ATP6V1C2: variants seen among roughly 807,000 people sequenced by gnomAD.
ATP6V1C2 encodes the protein ATPase H+ transporting V1 subunit C2.
In ATP6V1C2, 45 loss-of-function variants were observed where a neutral mutation model predicts 56.8. The ratio of observed to expected loss-of-function variants is 0.79; its 90% CI spans 0.62 to 1.02. The LOEUF (loss-of-function observed/expected upper bound fraction) is 1.02, where lower values mean the gene tolerates loss of function less well. Among genes scored for constraint, ATP6V1C2 ranks in the 50% least tolerant of loss-of-function variants. The pLI, the probability that ATP6V1C2 is intolerant of heterozygous loss-of-function variation, is 0.00. For synonymous variants in ATP6V1C2, 220 were observed against 201.3 expected (o/e 1.09, Z -0.79); for missense variants, 463 against 519.7 (o/e 0.89, Z 1.06).
chr2:10,778,689 C>G lies in ATP6V1C2; in HGVS notation c.1061+20C>G. Reference sequence around the variant, plus strand: ...GCTCAGGTGCGTGGCAGTGATGCCCCGGCTGGGACTGTCCTGAGGATGGGC... The same window carrying G: ...GCTCAGGTGCGTGGCAGTGATGCCCGGGCTGGGACTGTCCTGAGGATGGGC... On this transcript the variant is annotated intron_variant, in intron 12 of 13. Coordinates refer to ENST00000272238, the MANE Select transcript of ATP6V1C2 (RefSeq NM_001039362.2). 6.2e-7 allele frequency: 1 copy of G among 1,612,100 alleles called. No individual in the cohort carries two copies. Among genetic ancestry groups the G allele is most frequent in the Non-Finnish European group, 8.5e-7 (1 of 1,178,194 alleles).
chr2:10,721,948 C>T (rs989676096), intron 1 of ATP6V1C2, among the ~76,000 whole-genome samples: 12 of 152,204 alleles, frequency 7.9e-5, no homozygotes, highest in African/African-American at 2.9e-4. Context: ...AAAGGAGCTG[C>T]GTTGGGTCTG....
intron 3 of ATP6V1C2, among the ~76,000 whole-genome samples, chr2:10,750,697 GAGTC>G (rs1663160582): frequency 6.6e-6 from 1 of 152,194 alleles, no homozygotes. Context: ...CAGCTGCTGT[GAGTC>G]AGGCACTGTG....
intron 5 of ATP6V1C2, 35 bp downstream of exon 5, chr2:10,764,460 T>C: frequency 6.3e-7 from 1 of 1,588,028 alleles, no homozygotes; most frequent in Non-Finnish European, 8.6e-7. Context: ...AACAGCTGAC[T>C]GGTGGGTCAG....
intron 2 of ATP6V1C2, among the ~76,000 whole-genome samples, chr2:10,724,629 G>A (rs1049839643): frequency 4.6e-5 from 7 of 151,502 alleles, no homozygotes; most frequent in Non-Finnish European, 1.0e-4. Context: ...GAGAAGAAGC[G>A]ACTTGTCTTG....
At chr2:10,753,116 T>C (rs1663315382) in intron 3 of ATP6V1C2, among the ~76,000 whole-genome samples, 1 of 152,232 alleles carries the variant, frequency 6.6e-6, no homozygotes, top group Admixed American at 6.5e-5. Context: ...AAGCCTTCAG[T>C]GTGTTTTTCA....
intron 3 of ATP6V1C2, among the ~76,000 whole-genome samples, chr2:10,738,591 G>A (rs910999801): frequency 6.6e-6 from 1 of 152,154 alleles, no homozygotes; most frequent in African/African-American, 2.4e-5. Flanking sequence ...ACTTAACACC[G>A]TGTTGGTGCT....
chr2:10,784,134 G>A lies in ATP6V1C2; in HGVS notation c.*871G>A, dbSNP rs781657625. ...GCAGTGTTTTCAAATGACCAATCAA[G>A]TACTACTTCTTGGTTAAAAGGCCAC... On this transcript the variant is annotated 3_prime_UTR_variant, in exon 14 of 14. Coordinates refer to ENST00000272238, the MANE Select transcript of ATP6V1C2 (RefSeq NM_001039362.2). The A allele has an allele frequency of 1.0e-4, 59 of 582,218 alleles. No homozygotes were observed. The highest frequency in any genetic ancestry group is 1.6e-4 in the Non-Finnish European group (54 of 337,406). 36.1% of individuals were successfully genotyped at this position (582,218 alleles called of 1,614,324 possible).
Position 10,726,442 on chromosome 2 carries a change from A to G in ATP6V1C2, c.130-60A>G, listed in dbSNP as rs762042840. ...TGACAGAGTCCCTGCCGTGTTGTTG[A>G]GATGGCATCATGCTTGGCCAGAAAC... On this transcript the variant is annotated intron_variant, in intron 2 of 13. Coordinates refer to ENST00000272238, the MANE Select transcript of ATP6V1C2 (RefSeq NM_001039362.2). 1.0e-4 allele frequency: 134 copies of G among 1,312,950 alleles called. 2 individuals carry two copies. In the South Asian group the frequency reaches 1.5e-3, roughly 15 times the overall value. The allele number at this position is 1,312,950 out of a possible 1,614,324, so 81.3% of individuals were successfully genotyped here.
chr2:10,740,747 C>T (rs374352926), intron 3 of ATP6V1C2, among the ~76,000 whole-genome samples: 7 of 152,146 alleles, frequency 4.6e-5, no homozygotes, highest in Admixed American at 1.3e-4. Flanking sequence ...AGTGCAGTGG[C>T]GCTGTGTCAG....
chr2:10,750,659 A>G (rs1663157381), intron 3 of ATP6V1C2, among the ~76,000 whole-genome samples: 1 of 152,222 alleles, frequency 6.6e-6, no homozygotes, highest in South Asian at 2.1e-4. Context: ...GCCAGAATTC[A>G]TTGATTCATT....
At chr2:10,721,911 T>C (rs1661385490) in intron 1 of ATP6V1C2, among the ~76,000 whole-genome samples, 180 bp downstream of exon 1, 1 of 152,114 alleles carries the variant, frequency 6.6e-6, no homozygotes, top group African/African-American at 2.4e-5. Flanking sequence ...GGCCAGTTCG[T>C]CCCCAGGCCA....
chr2:10,764,895 C>T (rs1248663447), intron 5 of ATP6V1C2, among the ~76,000 whole-genome samples: 2 of 151,858 alleles, frequency 1.3e-5, no homozygotes, highest in African/African-American at 2.4e-5. Context: ...CACTTGAACC[C>T]GGGAGGTGGA....
chr2:10,759,247 G>A (rs1199903364), intron 4 of ATP6V1C2, among the ~76,000 whole-genome samples: 1 of 152,210 alleles, frequency 6.6e-6, no homozygotes, highest in Non-Finnish European at 1.5e-5. Flanking sequence ...GGTTGTTTCT[G>A]CTTGTTCCTT....
Position 10,763,572 on chromosome 2 carries a change from C to T in ATP6V1C2, c.284-759C>T, listed in dbSNP as rs191058113. Among the ~76,000 whole-genome samples, 1 of 152,168 alleles carries T rather than the reference C, an allele frequency of 6.6e-6. No individual in the cohort carries two copies. The highest frequency in any genetic ancestry group is 2.4e-5 in the African/African-American group (1 of 41,430). ...AGGGAGCCTAGGCTGGGACATCCGC[C>T]ATGGGAAGGGCCCTCTGCCAGGGGC... On this transcript the variant is annotated intron_variant, in intron 4 of 13. Coordinates refer to ENST00000272238, the MANE Select transcript of ATP6V1C2 (RefSeq NM_001039362.2). The surrounding 1 kb of genome is among the most constrained non-coding windows in gnomAD (Gnocchi z 4.2).
intron 3 of ATP6V1C2, among the ~76,000 whole-genome samples, chr2:10,728,270 G>A (rs1057303701): frequency 2.6e-5 from 4 of 152,012 alleles, no homozygotes; most frequent in Admixed American, 6.6e-5. Flanking sequence ...TTTTGGTAAA[G>A]ACAAGGTCTC....
intron 3 of ATP6V1C2, among the ~76,000 whole-genome samples, chr2:10,751,392 A>G (rs562777472): frequency 3.3e-5 from 5 of 152,204 alleles, no homozygotes; most frequent in Non-Finnish European, 7.3e-5. Context: ...GAATCCTGTG[A>G]GATAAGGAGT....
intron 3 of ATP6V1C2, among the ~76,000 whole-genome samples, chr2:10,738,779 C>T (rs1219682807): frequency 6.6e-6 from 1 of 152,192 alleles, no homozygotes; most frequent in Non-Finnish European, 1.5e-5. Context: ...GTTCCCATCT[C>T]AGTCAAAGGC....
Position 10,772,613 on chromosome 2 carries a change from A to G in ATP6V1C2, c.638+3A>G, listed in dbSNP as rs1664695479. 1 of 1,613,248 alleles carries G rather than the reference A, an allele frequency of 6.2e-7. No individual in the cohort carries two copies. The highest frequency in any genetic ancestry group is 1.1e-5 in the South Asian group (1 of 91,078). ...ATGGTGGTCCCTCGATCAACCAAGT[A>G]AGTGAGACCCCAGCTTGGTCCCAGG... On this transcript the variant is annotated splice_donor_region_variant and intron_variant, in intron 8 of 13. Transcript: ENST00000272238.
chr2:10,775,853 G>A (rs1489573615), intron 10 of ATP6V1C2, among the ~76,000 whole-genome samples: 1 of 152,184 alleles, frequency 6.6e-6, no homozygotes, highest in African/African-American at 2.4e-5. Context: ...GGAGGGTTCC[G>A]TGAGCACCTT....
Sources: allele counts gnomAD v4.1 joint callset (sites outside exome capture counted in the v4.1 genomes callset), GRCh38; gene constraint gnomAD v4.1.1; non-coding constraint Gnocchi (gnomAD v3.1); transcripts MANE v1.5; gene names NCBI Gene and HGNC (gene_info 2026-07-23, HGNC 2026-07-21).